Variants in ZDHHC11B observed in about 807,000 individuals in gnomAD.
ZDHHC11B encodes zDHHC palmitoyltransferase 11B (putative), also known as probable palmitoyltransferase ZDHHC11B.
In ZDHHC11B, 17 loss-of-function variants were observed where a neutral mutation model predicts 42.3. The observed-to-expected ratio is 0.40, with a 90% CI of 0.27 to 0.60. The LOEUF is 0.60. Ranked by LOEUF, ZDHHC11B falls within the 20% of genes least tolerant of loss-of-function variation. The probability of loss-of-function intolerance (pLI) is 0.41; values close to 1 mark genes in which losing one functional copy is unlikely to be tolerated. For missense variants in ZDHHC11B, 262 were observed against 463.2 expected (o/e 0.57, Z 3.99); for synonymous variants, 123 against 193.5 (o/e 0.64, Z 3.02).
intron 6 of ZDHHC11B, among the ~76,000 whole-genome samples, chr5:752,316 C>A (rs1439396191): frequency 3.2e-5 from 3 of 93,440 alleles, no homozygotes; most frequent in African/African-American, 9.3e-5. Context: ...TTGTGCAAAT[C>A]TGAGCCAAAA....
intron 1 of ZDHHC11B, among the ~76,000 whole-genome samples, chr5:775,764 C>G (rs1736421827): frequency 6.6e-6 from 1 of 151,680 alleles, no homozygotes; most frequent in Non-Finnish European, 1.5e-5. Context: ...CATGCTGGCT[C>G]AGATGCCTCT....
At chr5:724,340 G>C (rs1337088799) in intron 12 of ZDHHC11B, among the ~76,000 whole-genome samples, 1 of 145,470 alleles carries the variant, frequency 6.9e-6, no homozygotes, top group African/African-American at 2.6e-5. Flanking sequence ...CGAGGAATGG[G>C]ATTACAGGAG....
At chr5:755,509 C>T (rs1363928558) in intron 5 of ZDHHC11B, among the ~76,000 whole-genome samples, 3 of 148,824 alleles carry the variant, frequency 2.0e-5, no homozygotes, top group East Asian at 2.0e-4. Flanking sequence ...GTAGCCACCC[C>T]CTAGGCCATC....
Position 750,356 on chromosome 5 carries a change from G to C in ZDHHC11B, c.628+777C>G, listed in dbSNP as rs1808543. The stretch of plus-strand genomic sequence containing the variant: ...TCCAGGGAGGTCCTCCCACCTCTGC[G>C]AGCTCCTGTGGCTCCGGGCGACCCC... On this transcript the variant is annotated intron_variant, in intron 7 of 13. Coordinates refer to ENST00000508859, the MANE Select transcript of ZDHHC11B (RefSeq NM_001351303.2). Among the ~76,000 whole-genome samples, 156 of 108,034 alleles carry C rather than the reference G, an allele frequency of 1.4e-3. 29 individuals carry two copies. The highest frequency in any genetic ancestry group is 0.01 in the Middle Eastern group (2 of 200). The allele number at this position is 108,034 out of a possible 152,430, so 70.9% of individuals were successfully genotyped here.
At chr5:775,701 A>C (rs748540782) in intron 1 of ZDHHC11B, among the ~76,000 whole-genome samples, 64 of 151,716 alleles carry the variant, frequency 4.2e-4, no homozygotes, top group Non-Finnish European at 7.8e-4. Context: ...AACCCTGGAG[A>C]CGCCGCCCAG....
At chr5:732,693 T>A (rs554699992) in intron 11 of ZDHHC11B, 3 of 440,632 alleles carry the variant, frequency 6.8e-6, no homozygotes, top group Non-Finnish European at 1.4e-5. Context: ...ACAAGTCACC[T>A]GTAACCTCCA....
intron 12 of ZDHHC11B, among the ~76,000 whole-genome samples, chr5:729,393 G>A (rs1389735336): frequency 1.3e-5 from 2 of 151,090 alleles, no homozygotes; most frequent in Admixed American, 1.3e-4. Context: ...AGAGCACGGG[G>A]CTGTTCTGTG....
chr5:750,586 G>A (rs1348623444), intron 7 of ZDHHC11B, among the ~76,000 whole-genome samples: 3 of 130,238 alleles, frequency 2.3e-5, no homozygotes, highest in African/African-American at 5.1e-5. Context: ...TGGGTTAGGC[G>A]TGGACTCGCC....
At chr5:741,297 T>C (rs1324747032) in intron 10 of ZDHHC11B, among the ~76,000 whole-genome samples, 1 of 148,606 alleles carries the variant, frequency 6.7e-6, no homozygotes, top group Non-Finnish European at 1.5e-5. Context: ...ACCCACATGT[T>C]CATGGAGAGA....
rs552392418 is a variant in ZDHHC11B, at chr5:728,700, G to A, written c.1058+1734C>T. On this transcript the variant is annotated intron_variant, in intron 12 of 13. Transcript: ENST00000508859. ...ATAAGGTTATAAGTTCTGAGTATAA[G>A]TTAGGTATTAAATTCTCCCCCATCT... Among the ~76,000 whole-genome samples the A allele has an allele frequency of 1.3e-3, 203 of 151,812 alleles. 1 individual carries two copies. Among genetic ancestry groups the A allele is most frequent in the African/African-American group, 4.8e-3 (196 of 41,188 alleles).
intron 1 of ZDHHC11B, among the ~76,000 whole-genome samples, chr5:775,982 C>T (rs1179437040): frequency 2.1e-5 from 3 of 144,662 alleles, no homozygotes; most frequent in African/African-American, 7.9e-5. Context: ...GGTCCCTGGT[C>T]CTCTCTCCAT....
rs182142814 is a variant in ZDHHC11B, at chr5:743,808, G to A, written c.900+1375C>T. ...TAAAACATACTTTTTAGGTTTCATCGTCTGCAAATAAACGCAGTTTTACTT... is the reference window on the plus strand; with the variant it reads ...TAAAACATACTTTTTAGGTTTCATCATCTGCAAATAAACGCAGTTTTACTT... On this transcript the variant is annotated intron_variant, in intron 9 of 13. Coordinates refer to ENST00000508859, the MANE Select transcript of ZDHHC11B (RefSeq NM_001351303.2). 1.5e-4 allele frequency among the ~76,000 whole-genome samples: 23 copies of A among 149,784 alleles called. 3 individuals are homozygous for A. Among genetic ancestry groups the A allele is most frequent in the Admixed American group, 5.4e-4 (8 of 14,788 alleles).
At chr5:774,908 G>C (rs1297434224) in intron 1 of ZDHHC11B, among the ~76,000 whole-genome samples, 1 of 151,974 alleles carries the variant, frequency 6.6e-6, no homozygotes, top group Non-Finnish European at 1.5e-5. Context: ...GGGTGGCGCC[G>C]ACAGAGCCTA....
At position 748,603 on chromosome 5, in the gene ZDHHC11B, G is replaced by A. The variant is rs753393713; in HGVS notation, c.629-44C>T. 4.1e-5 allele frequency: 54 copies of A among 1,332,918 alleles called. 15 individuals carry two copies. Among genetic ancestry groups the A allele is most frequent in the Non-Finnish European group, 5.2e-5 (52 of 1,005,122 alleles). The allele number at this position is 1,332,918 out of a possible 1,614,324, so 82.6% of individuals were successfully genotyped here. A position where few individuals can be genotyped will look rare whatever the true frequency, so the allele number is the denominator to read the frequency against. On this transcript the variant is annotated intron_variant, in intron 7 of 13. Transcript: ENST00000508859. ...GACACTGTGTCCAGCACCTGCTGACGGGTGCCACATCAGGTGGATGTCACA... is the reference window on the plus strand; with the variant it reads ...GACACTGTGTCCAGCACCTGCTGACAGGTGCCACATCAGGTGGATGTCACA...
At chr5:754,515 G>A (rs1410301000) in intron 6 of ZDHHC11B, among the ~76,000 whole-genome samples, 8 of 104,678 alleles carry the variant, frequency 7.6e-5, no homozygotes, top group East Asian at 4.9e-4. Flanking sequence ...CATCTCCACC[G>A]TGCTCAGGGG....
chr5:737,596 A>G (rs1318204457), intron 10 of ZDHHC11B, among the ~76,000 whole-genome samples: 2 of 149,798 alleles, frequency 1.3e-5, no homozygotes, highest in African/African-American at 4.9e-5. Flanking sequence ...CAAAAAGATA[A>G]TAACACCATA....
In ZDHHC11B at chr5:710,949, C is replaced by T. The variant is rs1459912206; in HGVS notation, c.*1341G>A. On this transcript the variant is annotated 3_prime_UTR_variant, in exon 14 of 14. Transcript: ENST00000508859. ...TCCCATTTCCCAGTGCTGTGAGCTC[C>T]CATTTCCCAGTACTGTGCTCCCATT... is the stretch of plus-strand genomic sequence containing the variant. 6.6e-6 allele frequency: 1 copy of T among 151,000 alleles called. No homozygotes were observed. The highest frequency in any genetic ancestry group is 1.5e-5 in the Non-Finnish European group (1 of 67,796). The allele number at this position is 151,000 out of a possible 1,614,324, so 9.4% of individuals were successfully genotyped here.
At chr5:758,845 G>T (rs1279640398) in intron 4 of ZDHHC11B, among the ~76,000 whole-genome samples, 1 of 151,912 alleles carries the variant, frequency 6.6e-6, no homozygotes, top group African/African-American at 2.4e-5. Context: ...GGGTGGGCTT[G>T]GGTCGTCCTC....
intron 12 of ZDHHC11B, among the ~76,000 whole-genome samples, chr5:727,589 C>T (rs1344240318): frequency 4.3e-4 from 60 of 139,850 alleles, no homozygotes; most frequent in African/African-American, 1.4e-3. Context: ...TAAAACAGCA[C>T]GGTTTAGGAC....
Sources: gnomAD v4.1 joint callset for allele counts (sites outside exome capture counted in the v4.1 genomes callset) on GRCh38, gnomAD v4.1.1 for gene constraint, MANE v1.5 for transcripts, NCBI Gene and HGNC (gene_info 2026-07-23, HGNC 2026-07-21) for gene names.